RASSF2: variants seen among roughly 807,000 people sequenced by gnomAD.
RASSF2 encodes the protein ras association domain-containing protein 2.
In RASSF2, 34 loss-of-function variants were observed where a neutral mutation model predicts 46.3. The observed-to-expected ratio is 0.73, with a 90% CI of 0.56 to 0.98. The LOEUF (loss-of-function observed/expected upper bound fraction) is 0.98, where lower values mean the gene tolerates loss of function less well. RASSF2 is among the 50% of genes least tolerant of loss of function. RASSF2 has a pLI of 0.00. For synonymous variants in RASSF2, 158 were observed against 162.5 expected, an observed-to-expected ratio of 0.97 and a Z score of 0.21; for missense variants, 364 against 431.2, an observed-to-expected ratio of 0.84 and a Z score of 1.38.
At chr20:4,811,777 A>T (rs1927840416) in intron 2 of RASSF2, among the ~76,000 whole-genome samples, 3 of 151,932 alleles carry the variant, frequency 2.0e-5, no homozygotes, top group Admixed American at 2.0e-4. Context: ...CCCAAGTCTG[A>T]TGCAAAGGAA....
At chr20:4,807,709 T>C (rs1001832903) in intron 2 of RASSF2, among the ~76,000 whole-genome samples, 2 of 152,196 alleles carry the variant, frequency 1.3e-5, no homozygotes, top group Non-Finnish European at 2.9e-5. Flanking sequence ...ACCTATGGGG[T>C]CATGTTGCCC....
chr20:4,800,233 G>A (rs1926745612), intron 3 of RASSF2, among the ~76,000 whole-genome samples: 1 of 152,166 alleles, frequency 6.6e-6, no homozygotes. Flanking sequence ...TGCACAGAAA[G>A]CAATTAAATT....
chr20:4,788,122 C>G, intron 9 of RASSF2, 95 bp downstream of exon 9: 1 of 1,249,214 alleles, frequency 8.0e-7, no homozygotes, highest in Non-Finnish European at 1.2e-6. Context: ...GTTTCCAAAA[C>G]TCAAACAACA....
chr20:4,794,848 T>C (rs1480640222), intron 5 of RASSF2, among the ~76,000 whole-genome samples: 1 of 152,198 alleles, frequency 6.6e-6, no homozygotes, highest in Non-Finnish European at 1.5e-5. Flanking sequence ...TAAATCCCCT[T>C]GGAAAGAAAC....
rs200418178 is a variant in RASSF2, at chr20:4,786,308, G to A, written c.834C>T (p.Phe278=). ...VTYDVAQYIK[F]EMPVLKSFIQ... The stretch of plus-strand genomic sequence containing the variant: ...TGAAGCTTTTAAGTACCGGCATCTC[G>A]AACTTTATATACTGGGCCACCTAGA... The change falls in exon 11 of 12, where the codon TTC becomes TTT. Residue 278 remains phenylalanine (F), a synonymous_variant. Transcript: ENST00000379400. 1.9e-5 allele frequency: 31 copies of A among 1,611,240 alleles called. No individual in the cohort carries two copies. The highest frequency in any genetic ancestry group is 8.0e-5 in the African/African-American group (6 of 74,942).
intron 2 of RASSF2, among the ~76,000 whole-genome samples, chr20:4,804,987 A>C (rs1927228229): frequency 6.6e-6 from 1 of 152,058 alleles, no homozygotes; most frequent in Non-Finnish European, 1.5e-5. Context: ...AGGGGCGAGT[A>C]GGTCCAGGCA....
chr20:4,801,361 T>C (rs1392413980), intron 2 of RASSF2, among the ~76,000 whole-genome samples: 2 of 152,296 alleles, frequency 1.3e-5, no homozygotes, highest in African/African-American at 4.8e-5. Context: ...CAAGGATGAC[T>C]GATGAGTCCT....
intron 1 of RASSF2, among the ~76,000 whole-genome samples, chr20:4,823,221 G>T (rs1046816941): frequency 1.3e-5 from 2 of 152,066 alleles, no homozygotes; most frequent in African/African-American, 2.4e-5. Flanking sequence ...GGGGGGACGC[G>T]GAAAGAGAGC....
intron 4 of RASSF2, 41 bp downstream of exon 4, chr20:4,797,969 C>T: frequency 6.2e-7 from 1 of 1,611,784 alleles, no homozygotes; most frequent in Non-Finnish European, 8.5e-7. Context: ...GGTGACAAGC[C>T]CTGGACTAGC....
At chr20:4,804,925 G>C (rs1447526275) in intron 2 of RASSF2, among the ~76,000 whole-genome samples, 1 of 152,052 alleles carries the variant, frequency 6.6e-6, no homozygotes, top group African/African-American at 2.4e-5. Context: ...GTCCTGGGGG[G>C]CTTTCTGGAG....
At chr20:4,801,388 G>A (rs6139555) in intron 2 of RASSF2, among the ~76,000 whole-genome samples, 28,569 of 152,152 alleles carry the variant, frequency 0.19, 3,274 homozygotes, top group East Asian at 0.33. Flanking sequence ...TGAAGAGACC[G>A]TCACAACACA....
rs761448643 is a variant in RASSF2 at position 4,789,586 on chromosome 20, G to A, written c.639+10C>T. 8.7e-6 allele frequency: 14 copies of A among 1,612,358 alleles called. No individual in the cohort carries two copies. The South Asian group carries it at 9.9e-5, about 11-fold the overall frequency. On this transcript the variant is annotated intron_variant, in intron 8 of 11. Transcript: ENST00000379400. ...ACCCCATCTGTGGCCACTCAGCAAA[G>A]GGAACTTGCCTTAAATTTGTTGAGC...
At chr20:4,803,139 G>A (rs561633046) in intron 2 of RASSF2, among the ~76,000 whole-genome samples, 1 of 152,002 alleles carries the variant, frequency 6.6e-6, no homozygotes, top group African/African-American at 2.4e-5. Flanking sequence ...TTGAACTCCT[G>A]GACTCAAGCA....
rs1409022628 is a variant in RASSF2, at chr20:4,788,276, A to C, written c.640-8T>G. On this transcript the variant is annotated splice_region_variant and splice_polypyrimidine_tract_variant and intron_variant, in intron 8 of 11. Transcript: ENST00000379400. ...CTCTGCTGAATTCTCAATCTGAAGC[A>C]GGAGCAAAAGATTCTTGTTGAAAGT... 3.7e-6 allele frequency: 6 copies of C among 1,604,542 alleles called. No homozygotes were observed. The South Asian group carries it at 6.6e-5, about 18-fold the overall frequency.
Position 4,801,756 on chromosome 20 carries a change from GAGAA to G in RASSF2, c.-32-698_-32-695del, listed in dbSNP as rs757362900. ...TTTGTTTTGTTTTGTTTTGTTTTTT[GAGAA>G]AGAGTCTCACTCTCTTCGCCCAGGC... On this transcript the variant is annotated intron_variant, in intron 2 of 11. Coordinates refer to ENST00000379400, the MANE Select transcript of RASSF2 (RefSeq NM_014737.3). Among the ~76,000 whole-genome samples, 6 of 151,758 alleles carry G rather than the reference GAGAA, an allele frequency of 4.0e-5. No individual in the cohort carries two copies. In the South Asian group the frequency reaches 1.2e-3, roughly 32 times the overall value.
chr20:4,821,840 G>GCT (rs1928710669), intron 2 of RASSF2, among the ~76,000 whole-genome samples: 1 of 152,074 alleles, frequency 6.6e-6, no homozygotes, highest in Non-Finnish European at 1.5e-5. Context: ...GACTGCCACA[G>GCT]CCTAGGCATC....
intron 5 of RASSF2, among the ~76,000 whole-genome samples, chr20:4,793,681 A>G (rs1207833729): frequency 6.6e-6 from 1 of 151,462 alleles, no homozygotes; most frequent in Non-Finnish European, 1.5e-5. Context: ...GGGTTTCACC[A>G]TGTTGCCCAG....
intron 9 of RASSF2, 25 bp from the exon 10 acceptor site, chr20:4,787,779 A>AGCCC: frequency 6.2e-7 from 1 of 1,614,090 alleles, no homozygotes; most frequent in Non-Finnish European, 8.5e-7. Context: ...ACCCAGGAGC[A>AGCCC]GCCCTGAGAG....
At position 4,789,689 on chromosome 20, in the gene RASSF2, C is replaced by A. The variant is rs745891967; in HGVS notation, c.546G>T (p.Val182=). ...NGHFYNHKTS[V]FTPAYGSVTN... is the part of the protein sequence containing the mutation. Reference sequence around the variant, plus strand: ...TGACAGAGCCATAGGCTGGTGTGAACACGGATGTCTGTCAATAGAAGGGCC... The same window carrying A: ...TGACAGAGCCATAGGCTGGTGTGAAAACGGATGTCTGTCAATAGAAGGGCC... The change falls in exon 8 of 12, where the codon GTG becomes GTT. Residue 182 remains valine (V), a synonymous_variant. Coordinates refer to ENST00000379400, the MANE Select transcript of RASSF2 (RefSeq NM_014737.3). 6.2e-7 allele frequency: 1 copy of A among 1,613,948 alleles called. No homozygotes were observed. Among genetic ancestry groups the A allele is most frequent in the South Asian group, 1.1e-5 (1 of 91,078 alleles).
Sources: allele counts gnomAD v4.1 joint callset (sites outside exome capture counted in the v4.1 genomes callset), GRCh38; gene constraint gnomAD v4.1.1; transcripts MANE v1.5; gene names NCBI Gene and HGNC (gene_info 2026-07-23, HGNC 2026-07-21).